TPRG1: variants seen among roughly 807,000 people sequenced by gnomAD.
The protein encoded by TPRG1 is tumor protein p63 regulated 1.
In TPRG1, 29 loss-of-function variants were observed where a neutral mutation model predicts 29.3. The ratio of observed to expected loss-of-function variants is 0.99; its 90% CI spans 0.74 to 1.35. The LOEUF (loss-of-function observed/expected upper bound fraction) is 1.35, where lower values mean the gene tolerates loss of function less well. TPRG1 is among the 40% of genes most tolerant of loss of function. The pLI is 0.00. For missense variants in TPRG1, 327 were observed against 335.0 expected (o/e 0.98, Z 0.19); for synonymous variants, 130 against 116.8 (o/e 1.11, Z -0.73).
At chr3:189,202,155 C>T (rs573558543) in intron 1 of TPRG1, among the ~76,000 whole-genome samples, 4 of 152,130 alleles carry the variant, frequency 2.6e-5, no homozygotes, top group East Asian at 1.9e-4. Flanking sequence ...AAACATTTAC[C>T]GGGGGCCAAC....
intron 4 of TPRG1, among the ~76,000 whole-genome samples, chr3:189,064,131 C>T (rs1716286035): frequency 6.6e-6 from 1 of 152,102 alleles, no homozygotes; most frequent in Non-Finnish European, 1.5e-5. Context: ...TCACAATTTT[C>T]ATTGTGGGTT....
At chr3:189,312,127 T>C (rs11710327) in intron 5 of TPRG1, among the ~76,000 whole-genome samples, 1,740 of 37,886 alleles carry the variant, frequency 0.046, 41 homozygotes, top group Non-Finnish European at 0.053. Context: ...GTTTCTTTCT[T>C]TCTTTCTTTC....
intron 2 of TPRG1, among the ~76,000 whole-genome samples, chr3:189,131,064 T>G (rs1366610079): frequency 6.6e-6 from 1 of 152,216 alleles, no homozygotes; most frequent in African/African-American, 2.4e-5. Context: ...ATGTCCCACT[T>G]TGCCCAGAAC....
At chr3:189,299,386 A>G (rs547256938) in intron 4 of TPRG1, among the ~76,000 whole-genome samples, 1 of 152,314 alleles carries the variant, frequency 6.6e-6, no homozygotes, top group South Asian at 2.1e-4. Flanking sequence ...CAAGCCGTAT[A>G]CTATATGCAT....
At chr3:189,063,956 A>G (rs1262992692) in intron 4 of TPRG1, among the ~76,000 whole-genome samples, 2 of 152,172 alleles carry the variant, frequency 1.3e-5, no homozygotes, top group African/African-American at 2.4e-5. Context: ...GTGTATGGGT[A>G]ACGTTTGGAG....
intron 4 of TPRG1, among the ~76,000 whole-genome samples, chr3:189,150,004 C>A (rs908165317): frequency 1.3e-5 from 2 of 152,216 alleles, no homozygotes; most frequent in African/African-American, 2.4e-5. Context: ...GCACACTGAC[C>A]AGTGTCCTTT....
intron 4 of TPRG1, among the ~76,000 whole-genome samples, chr3:189,074,177 TTAATTCTGAGGAATTATTTTC>T (rs1716974236): frequency 2.0e-5 from 3 of 151,606 alleles, no homozygotes; most frequent in Non-Finnish European, 4.4e-5. Flanking sequence ...GGAGTTTTTT[TTAATTCTGAGGAATTATTTTC>T]CTTTTTTTTT....
chr3:189,247,467 G>C (rs2108985518), intron 4 of TPRG1, among the ~76,000 whole-genome samples: 1 of 151,936 alleles, frequency 6.6e-6, no homozygotes, highest in South Asian at 2.1e-4. Flanking sequence ...TCTGTTGACT[G>C]TCCCTTTTCT....
intron 4 of TPRG1, among the ~76,000 whole-genome samples, chr3:189,064,688 AG>A (rs2152146425): frequency 6.6e-6 from 1 of 152,290 alleles, no homozygotes; most frequent in East Asian, 1.9e-4. Context: ...AATGAAATAG[AG>A]GATATTATGA....
At chr3:189,107,335 A>T (rs1185566304) in intron 1 of TPRG1, among the ~76,000 whole-genome samples, 1 of 152,184 alleles carries the variant, frequency 6.6e-6, no homozygotes, top group Non-Finnish European at 1.5e-5. Context: ...GAACACGTTT[A>T]TATATGTTCT....
At chr3:189,057,399 T>C (rs1388273130) in intron 4 of TPRG1, among the ~76,000 whole-genome samples, 1 of 152,132 alleles carries the variant, frequency 6.6e-6, no homozygotes, top group African/African-American at 2.4e-5. Context: ...CCTGCAATTT[T>C]ATTTTGTCTA....
At chr3:189,264,531 C>CT (rs61222817) in intron 4 of TPRG1, among the ~76,000 whole-genome samples, 9 of 150,638 alleles carry the variant, frequency 6.0e-5, no homozygotes, top group Non-Finnish European at 1.0e-4. Flanking sequence ...GTTCATATTT[C>CT]TTTTTTTTTC....
intron 1 of TPRG1, among the ~76,000 whole-genome samples, chr3:189,106,057 C>T (rs1009202420): frequency 2.0e-5 from 3 of 151,934 alleles, no homozygotes; most frequent in South Asian, 2.1e-4. Context: ...GAAAATTCAA[C>T]AACAACAACA....
At chr3:189,056,313 C>G (rs1243128348) in intron 4 of TPRG1, among the ~76,000 whole-genome samples, 1 of 152,076 alleles carries the variant, frequency 6.6e-6, no homozygotes, top group Non-Finnish European at 1.5e-5. Context: ...CCAGGTTTGT[C>G]TTGAACTCCT....
At chr3:189,154,639 C>T (rs957388281) in intron 5 of TPRG1, among the ~76,000 whole-genome samples, 1 of 151,948 alleles carries the variant, frequency 6.6e-6, no homozygotes, top group Admixed American at 6.6e-5. Flanking sequence ...GATGGGGTTT[C>T]ACTATGTTGG....
At chr3:189,317,468 T>A (rs1327867618) in intron 5 of TPRG1, among the ~76,000 whole-genome samples, 1 of 152,218 alleles carries the variant, frequency 6.6e-6, no homozygotes, top group Non-Finnish European at 1.5e-5. Flanking sequence ...CACCCCTCCA[T>A]TCACAGCGTG....
intron 3 of TPRG1, among the ~76,000 whole-genome samples, chr3:189,225,402 G>A (rs1737573527): frequency 6.6e-6 from 1 of 152,118 alleles, no homozygotes; most frequent in Non-Finnish European, 1.5e-5. Context: ...GCCACTATAG[G>A]CATTCTATCT....
At chr3:189,092,831 T>G (rs1012922319) in intron 4 of TPRG1, among the ~76,000 whole-genome samples, 2 of 152,162 alleles carry the variant, frequency 1.3e-5, no homozygotes, top group African/African-American at 4.8e-5. Flanking sequence ...GCCTACTGCA[T>G]GCAAGGCCCT....
At chr3:189,156,184 G>A (rs1418092187) in intron 5 of TPRG1, among the ~76,000 whole-genome samples, 1 of 152,180 alleles carries the variant, frequency 6.6e-6, no homozygotes, top group Non-Finnish European at 1.5e-5. Flanking sequence ...GGAAGAAACA[G>A]AGACAGAAAA....
Sources: allele counts gnomAD v4.1 joint callset (sites outside exome capture counted in the v4.1 genomes callset), GRCh38; gene constraint gnomAD v4.1.1; transcripts MANE v1.5; gene names NCBI Gene and HGNC (gene_info 2026-07-23, HGNC 2026-07-21).